PCDHGA2: variants seen among roughly 807,000 people sequenced by gnomAD.
PCDHGA2 encodes the protein protocadherin gamma-A2.
In PCDHGA2, 40 loss-of-function variants were observed where a neutral mutation model predicts 59.2. That is an observed-to-expected ratio of 0.68 (90% CI 0.52 to 0.88). PCDHGA2 has a LOEUF of 0.88. Ranked by LOEUF, PCDHGA2 falls within the 40% of genes least tolerant of loss-of-function variation. PCDHGA2 has a pLI of 0.00. For synonymous variants in PCDHGA2, 560 were observed against 526.0 expected, an observed-to-expected ratio of 1.06 and a Z score of -0.89; for missense variants, 1,226 against 1,204.0, an observed-to-expected ratio of 1.02 and a Z score of -0.27.
rs1453835891 is a variant in PCDHGA2 at position 141,477,494 on chromosome 5, T to G, written c.2425-17313T>G. On this transcript the variant is annotated intron_variant, in intron 1 of 3. Coordinates refer to ENST00000394576, the MANE Select transcript of PCDHGA2 (RefSeq NM_018915.4). The surrounding 1 kb of genome is among the most constrained non-coding windows in gnomAD (Gnocchi z 4.9). ...TGACAACCCTCCACAATCTTCTCAA[T>G]CTTCCTACGACGTTTACATTGAAGA... 1 of 1,614,088 alleles carries G rather than the reference T, an allele frequency of 6.2e-7. No individual in the cohort carries two copies.
chr5:141,441,762 C>A (rs3805697), intron 1 of PCDHGA2: 10 of 374,012 alleles, frequency 2.7e-5, no homozygotes, highest in Non-Finnish European at 2.2e-5. Flanking sequence ...CGTGAGCCTG[C>A]GCGTGTTGGT....
intron 1 of PCDHGA2, chr5:141,365,136 C>T: frequency 6.2e-7 from 1 of 1,613,950 alleles, no homozygotes; most frequent in Non-Finnish European, 8.5e-7. Flanking sequence ...GCCACGGATC[C>T]AGATGAGGGA....
At chr5:141,420,062 T>G (rs759817545) in intron 1 of PCDHGA2, 1 of 1,614,066 alleles carries the variant, frequency 6.2e-7, no homozygotes, top group Non-Finnish European at 8.5e-7. Context: ...CTGCTCCAAG[T>G]CCGGACCTGT....
intron 1 of PCDHGA2, chr5:141,382,969 TG>T (rs1561593500): frequency 9.9e-6 from 16 of 1,609,418 alleles, no homozygotes; most frequent in Non-Finnish European, 1.4e-5. Flanking sequence ...GGGGACCCCC[TG>T]GGAAGCCTGG....
At position 141,341,308 on chromosome 5, in the gene PCDHGA2, C is replaced by T. The variant is rs1256926422; in HGVS notation, c.2337C>T (p.Leu779=). 6.2e-7 allele frequency: 1 copy of T among 1,614,122 alleles called. No individual in the cohort carries two copies. The highest frequency in any genetic ancestry group is 8.5e-7 in the Non-Finnish European group (1 of 1,180,064). ...IFPQPNYADT[L]ISQESCEKKD... is the part of the protein sequence containing the mutation. ...CCCAGCCCAACTATGCGGACACGCT[C>T]ATCAGCCAGGAGAGCTGTGAGAAAA... Residue 779 remains leucine (L), a synonymous_variant, in exon 1 of 4, where the codon CTC becomes CTT. Coordinates refer to ENST00000394576, the MANE Select transcript of PCDHGA2 (RefSeq NM_018915.4).
chr5:141,350,711 CT>C, intron 1 of PCDHGA2: 1 of 1,613,962 alleles, frequency 6.2e-7, no homozygotes, highest in Non-Finnish European at 8.5e-7. Flanking sequence ...AAAATTCTCT[CT>C]GGATTCTGCT....
intron 1 of PCDHGA2, among the ~76,000 whole-genome samples, chr5:141,470,528 G>A (rs1446688992): frequency 6.6e-6 from 1 of 152,140 alleles, no homozygotes; most frequent in East Asian, 1.9e-4. Context: ...ATTAAAATAT[G>A]TATCAGGTAA....
At chr5:141,371,540 C>T (rs773129811) in intron 1 of PCDHGA2, 1 of 1,613,730 alleles carries the variant, frequency 6.2e-7, no homozygotes, top group East Asian at 2.2e-5. Flanking sequence ...ATGGAGAAAT[C>T]CTATGCCAAC....
At chr5:141,372,656 G>A in intron 1 of PCDHGA2, 1 of 1,613,956 alleles carries the variant, frequency 6.2e-7, no homozygotes, top group Non-Finnish European at 8.5e-7. Flanking sequence ...CCTACAATCC[G>A]TGTGCTGCCT....
intron 1 of PCDHGA2, among the ~76,000 whole-genome samples, chr5:141,453,999 A>C (rs1561953352): frequency 6.6e-6 from 1 of 152,258 alleles, no homozygotes; most frequent in South Asian, 2.1e-4. Flanking sequence ...ATAAACCCAC[A>C]TAACATTTTA....
intron 1 of PCDHGA2, among the ~76,000 whole-genome samples, chr5:141,462,105 G>A (rs2099031983): frequency 6.6e-6 from 1 of 152,170 alleles, no homozygotes; most frequent in South Asian, 2.1e-4. Flanking sequence ...TTACAGGCAT[G>A]AGCCACTGCA....
rs2099450974 is a variant in PCDHGA2 at position 141,478,361 on chromosome 5, G to A, written c.2425-16446G>A. 6 of 1,613,776 alleles carry A rather than the reference G, an allele frequency of 3.7e-6. No individual in the cohort carries two copies. The East Asian group carries it at 1.3e-4, about 36-fold the overall frequency. ...CTCCTTGCACGCGGACGCCGTGCGGGGAGGCCTGATGTCGCCGCACCTTTA... is the reference window on the plus strand; with the variant it reads ...CTCCTTGCACGCGGACGCCGTGCGGAGAGGCCTGATGTCGCCGCACCTTTA... On this transcript the variant is annotated intron_variant, in intron 1 of 3. Coordinates refer to ENST00000394576, the MANE Select transcript of PCDHGA2 (RefSeq NM_018915.4).
At chr5:141,427,188 A>G (rs1346514063) in intron 1 of PCDHGA2, 1 of 456,744 alleles carries the variant, frequency 2.2e-6, no homozygotes, top group Admixed American at 2.3e-5. Flanking sequence ...AATTAAATCC[A>G]AAGACTTAAT....
intron 1 of PCDHGA2, among the ~76,000 whole-genome samples, chr5:141,369,043 C>A (rs187962324): frequency 6.6e-6 from 1 of 152,148 alleles, no homozygotes; most frequent in Non-Finnish European, 1.5e-5. Flanking sequence ...TTTAGAGTAA[C>A]AATACATTAT....
chr5:141,351,956 G>C (rs970182422), intron 1 of PCDHGA2: 6 of 1,612,992 alleles, frequency 3.7e-6, no homozygotes, highest in Non-Finnish European at 5.1e-6. Context: ...GCTGGGGCCT[G>C]ATGGCTCCGC....
intron 1 of PCDHGA2, among the ~76,000 whole-genome samples, chr5:141,434,703 G>C (rs1198306104): frequency 6.6e-6 from 1 of 151,730 alleles, no homozygotes; most frequent in Non-Finnish European, 1.5e-5. Context: ...TAAATATGTG[G>C]GTAAATCTCT....
At chr5:141,507,084 T>G (rs2099858284) in intron 3 of PCDHGA2, 1 of 152,142 alleles carries the variant, frequency 6.6e-6, no homozygotes, top group African/African-American at 2.4e-5. Flanking sequence ...ACTCCTAAGT[T>G]TATGCTCTTT....
chr5:141,480,122 C>T (rs576224922), intron 1 of PCDHGA2, among the ~76,000 whole-genome samples: 1 of 151,948 alleles, frequency 6.6e-6, no homozygotes, highest in African/African-American at 2.4e-5. Flanking sequence ...CCTGGCATAT[C>T]ATAACTGTTA....
At chr5:141,398,568 G>A (rs761294182) in intron 1 of PCDHGA2, 5 of 1,614,014 alleles carry the variant, frequency 3.1e-6, no homozygotes, top group African/African-American at 1.3e-5. Flanking sequence ...AGTCTGCACA[G>A]CCTGGCACAA....
Sources: gnomAD v4.1 joint callset for allele counts (sites outside exome capture counted in the v4.1 genomes callset) on GRCh38, gnomAD v4.1.1 for gene constraint, Gnocchi (gnomAD v3.1) non-coding constraint, MANE v1.5 for transcripts, NCBI Gene and HGNC (gene_info 2026-07-23, HGNC 2026-07-21) for gene names.